The following CAPN13 variants were observed in gnomAD, a reference collection of about 807,000 sequenced individuals.
CAPN13 encodes calpain 13.
In CAPN13, 90 loss-of-function variants were observed where a neutral mutation model predicts 98.4. That is an observed-to-expected ratio of 0.92 (90% CI 0.77 to 1.09). The LOEUF (loss-of-function observed/expected upper bound fraction) is 1.09, where lower values mean the gene tolerates loss of function less well. Among genes scored for constraint, CAPN13 ranks in the 50% least tolerant of loss-of-function variants. The pLI is 0.00. For missense variants in CAPN13, 887 were observed against 841.3 expected, an observed-to-expected ratio of 1.05 and a Z score of -0.67; for synonymous variants, 330 against 305.5, an observed-to-expected ratio of 1.08 and a Z score of -0.84.
chr2:30,805,747 C>CTTTTTTTTTTTTTTTT (rs72100161), intron 1 of CAPN13, among the ~76,000 whole-genome samples: 10 of 121,528 alleles, frequency 8.2e-5, no homozygotes, highest in African/African-American at 6.6e-5. Context: ...GTAGGTTGGT[C>CTTTTTTTTTTTTTTTT]TTTTTTTTTT....
chr2:30,764,040 G>C, intron 6 of CAPN13, 92 bp downstream of exon 6: 1 of 1,305,760 alleles, frequency 7.7e-7, no homozygotes, highest in Non-Finnish European at 1.1e-6. Context: ...GTGGCAGCTT[G>C]CCACATCCTC....
chr2:30,736,735 G>C (rs1671386845), intron 17 of CAPN13, 164 bp from the exon 18 acceptor site: 1 of 628,520 alleles, frequency 1.6e-6, no homozygotes, highest in African/African-American at 1.8e-5. Context: ...GTCTGAAAGG[G>C]ACCTGGCTTA....
At chr2:30,803,786 A>G (rs111990374) in intron 1 of CAPN13, among the ~76,000 whole-genome samples, 133 of 152,334 alleles carry the variant, frequency 8.7e-4, no homozygotes, top group African/African-American at 3.1e-3. Context: ...CTCTGAGGCA[A>G]CACAAGAGAT....
chr2:30,735,897 C>T (rs1183097055), intron 18 of CAPN13, among the ~76,000 whole-genome samples: 1 of 152,122 alleles, frequency 6.6e-6, no homozygotes, highest in Non-Finnish European at 1.5e-5. Context: ...ACTGGCCAGT[C>T]TCAGGGTGCA....
At chr2:30,787,439 C>G (rs1158564991) in intron 1 of CAPN13, 82 bp from the exon 2 acceptor site, 2 of 1,005,798 alleles carry the variant, frequency 2.0e-6, no homozygotes, top group Admixed American at 2.7e-5. Context: ...GATGGGCACT[C>G]TGATATACCA....
rs376029430 is a variant in CAPN13, at chr2:30,743,747, T to C, written c.1249-168A>G. 286 of 715,990 alleles carry C rather than the reference T, an allele frequency of 4.0e-4. 2 individuals carry two copies. Among genetic ancestry groups the C allele is most frequent in the African/African-American group, 3.7e-3 (212 of 57,542 alleles). 44.4% of individuals were successfully genotyped at this position (715,990 alleles called of 1,614,324 possible). On this transcript the variant is annotated intron_variant, in intron 12 of 22. Transcript: ENST00000295055. Reference sequence around the variant, plus strand: ...GCTGAAGTCTCAAAAAGCAGTAGTGTTTAGCCTGTCATTTCATCTAGACCC... The same window carrying C: ...GCTGAAGTCTCAAAAAGCAGTAGTGCTTAGCCTGTCATTTCATCTAGACCC...
chr2:30,732,274 T>C lies in CAPN13; in HGVS notation c.1927+164A>G, dbSNP rs542865958. On this transcript the variant is annotated intron_variant, in intron 20 of 22. Coordinates refer to ENST00000295055, the MANE Select transcript of CAPN13 (RefSeq NM_144575.3). ...GGGGAGAGGGGGGTGCGGAGGGAGCTGGTCACACCATCTACAGCCTCGGTT... is the reference window on the plus strand; with the variant it reads ...GGGGAGAGGGGGGTGCGGAGGGAGCCGGTCACACCATCTACAGCCTCGGTT... 2.0e-4 allele frequency among the ~76,000 whole-genome samples: 31 copies of C among 152,188 alleles called. 1 individual carries two copies. Among genetic ancestry groups the C allele is most frequent in the African/African-American group, 6.7e-4 (28 of 41,526 alleles).
At chr2:30,794,855 A>C (rs1489263746) in intron 1 of CAPN13, among the ~76,000 whole-genome samples, 1 of 152,006 alleles carries the variant, frequency 6.6e-6, no homozygotes, top group Non-Finnish European at 1.5e-5. Context: ...GACAGAAAGA[A>C]GTTCAGTGGT....
intron 3 of CAPN13, among the ~76,000 whole-genome samples, chr2:30,776,395 T>C (rs1382872499): frequency 1.3e-5 from 2 of 152,090 alleles, no homozygotes; most frequent in African/African-American, 4.8e-5. Context: ...TTATTTTTAG[T>C]GGAGACAGGG....
chr2:30,780,424 C>T (rs1042844960), intron 2 of CAPN13, among the ~76,000 whole-genome samples: 1 of 152,182 alleles, frequency 6.6e-6, no homozygotes, highest in African/African-American at 2.4e-5. Flanking sequence ...TCACATCAGA[C>T]ATCTAATAAT....
At chr2:30,753,903 T>G (rs1572820112) in intron 9 of CAPN13, among the ~76,000 whole-genome samples, 1 of 152,280 alleles carries the variant, frequency 6.6e-6, no homozygotes, top group South Asian at 2.1e-4. Flanking sequence ...GTCTGCATCC[T>G]GCTGCTGTTT....
chr2:30,787,489 G>T, intron 1 of CAPN13, 132 bp from the exon 2 acceptor site: 1 of 606,876 alleles, frequency 1.6e-6, no homozygotes, highest in Non-Finnish European at 2.7e-6. Context: ...ACTGTCCCTG[G>T]TGGCACAGTC....
At chr2:30,776,092 A>G (rs374215698) in intron 3 of CAPN13, 47 bp from the exon 4 acceptor site, 4 of 1,279,040 alleles carry the variant, frequency 3.1e-6, no homozygotes, top group Non-Finnish European at 4.5e-6. Flanking sequence ...CACACTTGGA[A>G]ACCCTCCCCC....
At chr2:30,790,801 T>C (rs907123299) in intron 1 of CAPN13, among the ~76,000 whole-genome samples, 1 of 152,194 alleles carries the variant, frequency 6.6e-6, no homozygotes, top group African/African-American at 2.4e-5. Flanking sequence ...TAGGCATAAA[T>C]GGGTTAACAA....
chr2:30,737,972 C>G (rs1572791506), intron 17 of CAPN13: 4 of 119,342 alleles, frequency 3.4e-5, no homozygotes, highest in East Asian at 1.5e-4. Context: ...TAAGGACACA[C>G]ACACACACAC....
At chr2:30,754,220 G>A in intron 9 of CAPN13, 70 bp downstream of exon 9, 2 of 1,233,520 alleles carry the variant, frequency 1.6e-6, no homozygotes, top group Non-Finnish European at 2.2e-6. Flanking sequence ...AATGTTCAGG[G>A]AAAAGGGTAG....
chr2:30,777,102 C>T (rs367862903), intron 3 of CAPN13, among the ~76,000 whole-genome samples: 10 of 152,194 alleles, frequency 6.6e-5, no homozygotes, highest in African/African-American at 2.4e-4. Context: ...TTTCTCTTGG[C>T]CACACCTGGA....
At chr2:30,747,829 C>T (rs1572809367) in intron 11 of CAPN13, among the ~76,000 whole-genome samples, 1 of 152,240 alleles carries the variant, frequency 6.6e-6, no homozygotes, top group South Asian at 2.1e-4. Context: ...TGACATTTAA[C>T]TCAATCAGGA....
intron 1 of CAPN13, among the ~76,000 whole-genome samples, chr2:30,798,985 G>A (rs538584649): frequency 6.6e-6 from 1 of 152,260 alleles, no homozygotes; most frequent in East Asian, 1.9e-4. Context: ...CTACCCGAGT[G>A]GAGAAAATAG....
Sources: gnomAD v4.1 joint callset for allele counts (sites outside exome capture counted in the v4.1 genomes callset) on GRCh38, gnomAD v4.1.1 for gene constraint, MANE v1.5 for transcripts, NCBI Gene and HGNC (gene_info 2026-07-23, HGNC 2026-07-21) for gene names.